PLCB4: variants seen among roughly 807,000 people sequenced by gnomAD.
The protein encoded by PLCB4 is 1-phosphatidylinositol 4,5-bisphosphate phosphodiesterase beta-4.
A neutral mutation model predicts 178.8 loss-of-function variants in PLCB4; 77 were observed. The ratio of observed to expected loss-of-function variants is 0.43; its 90% confidence interval spans 0.36 to 0.52. PLCB4 has a LOEUF of 0.52. Ranked by LOEUF, PLCB4 falls within the 20% of genes least tolerant of loss-of-function variation. The pLI is 0.00. For synonymous variants in PLCB4, 496 were observed against 490.8 expected, an observed-to-expected ratio of 1.01 and a Z score of -0.14; for missense variants, 1,024 against 1,453.4, an observed-to-expected ratio of 0.70 and a Z score of 4.80.
At chr20:9,388,125 CT>C (rs2037833015) in intron 15 of PLCB4, among the ~76,000 whole-genome samples, 2 of 152,184 alleles carry the variant, frequency 1.3e-5, no homozygotes, top group African/African-American at 4.8e-5. Flanking sequence ...GTAATCTCAG[CT>C]ACTCAGGAGG....
rs138068127 is a variant in PLCB4, at chr20:9,074,807, TAAACAAAACAAAACAAAACA to T, written c.-135+5627_-135+5646del. Among the ~76,000 whole-genome samples, 29 of 123,452 alleles carry T rather than the reference TAAACAAAACAAAACAAAACA, an allele frequency of 2.3e-4. 2 individuals carry two copies. In the South Asian group the frequency reaches 3.1e-3, roughly 13 times the overall value. 81.0% of individuals were successfully genotyped at this position (123,452 alleles called of 152,430 possible). A position where few individuals can be genotyped will look rare whatever the true frequency, so the allele number is the denominator to read the frequency against. On this transcript the variant is annotated intron_variant, in intron 1 of 39. Coordinates refer to ENST00000378473, the MANE Select transcript of PLCB4 (RefSeq NM_001377142.1). ...CCAGCTAGGCTTTTTTTTTTTTTTTTAAACAAAACAAAACAAAACAAAACAAAACAAAACAAAACAAAACA... is the reference window on the plus strand; with the variant it reads ...CCAGCTAGGCTTTTTTTTTTTTTTTTAAACAAAACAAAACAAAACAAAACA...
At chr20:9,372,857 CTGTTGT>C (rs111506447) in intron 11 of PLCB4, among the ~76,000 whole-genome samples, 184 bp from the exon 12 acceptor site, 5 of 150,188 alleles carry the variant, frequency 3.3e-5, no homozygotes, top group Admixed American at 1.3e-4. Context: ...TGTTTTCCTT[CTGTTGT>C]TGTTGTTGTT....
At chr20:9,256,728 C>T (rs2147517421) in intron 3 of PLCB4, among the ~76,000 whole-genome samples, 1 of 152,300 alleles carries the variant, frequency 6.6e-6, no homozygotes, top group South Asian at 2.1e-4. Context: ...GCTTGTTTTC[C>T]ATCTGAGTTG....
chr20:9,195,615 G>A (rs1241323823), intron 2 of PLCB4, among the ~76,000 whole-genome samples: 1 of 152,080 alleles, frequency 6.6e-6, no homozygotes, highest in Non-Finnish European at 1.5e-5. Flanking sequence ...GGACATCGGT[G>A]CTCCTGGTTC....
intron 4 of PLCB4, among the ~76,000 whole-genome samples, chr20:9,324,540 C>T (rs1033968388): frequency 6.6e-6 from 1 of 152,170 alleles, no homozygotes; most frequent in African/African-American, 2.4e-5. Context: ...TCTCATTTCC[C>T]TAAGAAATGT....
rs956429042 is a variant in PLCB4 at position 9,096,351 on chromosome 20, A to G, written c.-79+9A>G. 5.3e-5 allele frequency: 8 copies of G among 152,282 alleles called. No homozygotes were observed. Among genetic ancestry groups the G allele is most frequent in the African/African-American group, 1.7e-4 (7 of 41,576 alleles). 9.4% of individuals were successfully genotyped at this position (152,282 alleles called of 1,614,324 possible). On this transcript the variant is annotated intron_variant, in intron 2 of 39. Transcript: ENST00000378473. ...TGATCTCCCTTAAAAAGGTAGGTGTATGTGCTTTTTAATTTGTGACTAAAA... is the reference window on the plus strand; with the variant it reads ...TGATCTCCCTTAAAAAGGTAGGTGTGTGTGCTTTTTAATTTGTGACTAAAA...
At chr20:9,142,421 T>C (rs1191041727) in intron 2 of PLCB4, among the ~76,000 whole-genome samples, 1 of 152,106 alleles carries the variant, frequency 6.6e-6, no homozygotes, top group Non-Finnish European at 1.5e-5. Flanking sequence ...ATAAGCAATG[T>C]TAAATAACTG....
chr20:9,113,840 A>T (rs772266764), intron 2 of PLCB4, among the ~76,000 whole-genome samples: 1 of 152,158 alleles, frequency 6.6e-6, no homozygotes, highest in Non-Finnish European at 1.5e-5. Flanking sequence ...TGAGTCAGAC[A>T]TATATACCTA....
At position 9,151,357 on chromosome 20, in the gene PLCB4, T is replaced by C. The variant is rs1600733312; in HGVS notation, c.-79+55015T>C. Among the ~76,000 whole-genome samples, 8 of 152,240 alleles carry C rather than the reference T, an allele frequency of 5.3e-5. 1 individual carries two copies. ...CTTACAGATACTGAGGGATGGCTGA[T>C]ATGGTTTGGCTATGTCCCCATCCAA... is the stretch of plus-strand genomic sequence containing the variant. On this transcript the variant is annotated intron_variant, in intron 2 of 39. Transcript: ENST00000378473.
intron 2 of PLCB4, among the ~76,000 whole-genome samples, chr20:9,207,269 G>C (rs1175622769): frequency 6.6e-6 from 1 of 152,184 alleles, no homozygotes; most frequent in Non-Finnish European, 1.5e-5. Flanking sequence ...TGAACTGTAG[G>C]AGAACATGAA....
rs1381708127 is a variant in PLCB4 at position 9,081,295 on chromosome 20, G to A, written c.-135+12089G>A. ...CTCTAAGATACTTCAACAGCTCCCT[G>A]TTGCTATCAGGATTAATTTGTTTTC... On this transcript the variant is annotated intron_variant, in intron 1 of 39. Transcript: ENST00000378473. Among the ~76,000 whole-genome samples the A allele has an allele frequency of 3.3e-5, 5 of 152,212 alleles. No individual in the cohort carries two copies. The East Asian group carries it at 7.7e-4, about 23-fold the overall frequency.
intron 3 of PLCB4, among the ~76,000 whole-genome samples, chr20:9,298,681 A>G (rs2094668080): frequency 6.6e-6 from 1 of 152,088 alleles, no homozygotes; most frequent in Non-Finnish European, 1.5e-5. Context: ...CATGATCACA[A>G]ATATCACCTA....
At chr20:9,303,475 G>A (rs150995186) in intron 3 of PLCB4, among the ~76,000 whole-genome samples, 94 of 152,256 alleles carry the variant, frequency 6.2e-4, no homozygotes, top group African/African-American at 1.9e-3. Context: ...TTAGCATAAT[G>A]TTCTCCAGTT....
intron 2 of PLCB4, among the ~76,000 whole-genome samples, chr20:9,171,373 G>C (rs1409657467): frequency 6.6e-6 from 1 of 152,156 alleles, no homozygotes; most frequent in Non-Finnish European, 1.5e-5. Flanking sequence ...GTTTCAAAAA[G>C]TACAGTATGC....
At position 9,154,260 on chromosome 20, in the gene PLCB4, A is replaced by AT. The variant is rs373146775; in HGVS notation, c.-79+57918_-79+57919insT. ...CACTTTAAAAAAATTTTTCTTGACC[A>AT]ATATTTGGTCACATGGTCACATCTC... is the stretch of plus-strand genomic sequence containing the variant. On this transcript the variant is annotated intron_variant, in intron 2 of 39. Transcript: ENST00000378473. Among the ~76,000 whole-genome samples the AT allele has an allele frequency of 6.9e-4, 105 of 152,264 alleles. 1 individual carries two copies. Among genetic ancestry groups the AT allele is most frequent in the African/African-American group, 2.2e-3 (93 of 41,548 alleles).
At chr20:9,209,154 CTT>C (rs1464852758) in intron 2 of PLCB4, among the ~76,000 whole-genome samples, 2 of 152,106 alleles carry the variant, frequency 1.3e-5, no homozygotes, top group Non-Finnish European at 2.9e-5. Context: ...AGAAACATCT[CTT>C]ATAGATTTAG....
chr20:9,141,301 G>C (rs1375066217), intron 2 of PLCB4, among the ~76,000 whole-genome samples: 2 of 152,128 alleles, frequency 1.3e-5, no homozygotes, highest in African/African-American at 2.4e-5. Flanking sequence ...TTAGATTACA[G>C]CTTGGGATAT....
intron 38 of PLCB4, among the ~76,000 whole-genome samples, chr20:9,475,670 A>T (rs1211002957): frequency 6.6e-6 from 1 of 152,214 alleles, no homozygotes; most frequent in Non-Finnish European, 1.5e-5. Flanking sequence ...TTGCTTTAGA[A>T]ATATGGCCTG....
chr20:9,464,174 T>A (rs901426603), intron 35 of PLCB4, among the ~76,000 whole-genome samples: 1 of 152,166 alleles, frequency 6.6e-6, no homozygotes, highest in Non-Finnish European at 1.5e-5. Flanking sequence ...TGCTCCTGAA[T>A]GACTACTGGG....
Sources: allele counts gnomAD v4.1 joint callset (sites outside exome capture counted in the v4.1 genomes callset), GRCh38; gene constraint gnomAD v4.1.1; transcripts MANE v1.5; gene names NCBI Gene and HGNC (gene_info 2026-07-23, HGNC 2026-07-21).